Variants in ADCY2 observed in about 807,000 individuals in gnomAD.
ADCY2 encodes adenylate cyclase type 2.
In ADCY2, 31 loss-of-function variants were observed where a neutral mutation model predicts 125.2. That is an observed-to-expected ratio of 0.25 (90% CI 0.19 to 0.33). The LOEUF is 0.33. Among genes scored for constraint, ADCY2 ranks in the 10% least tolerant of loss-of-function variants. ADCY2 has a pLI of 1.00. For missense variants in ADCY2, 904 were observed against 1,418.2 expected, an observed-to-expected ratio of 0.64 and a Z score of 5.82; for synonymous variants, 512 against 548.4, an observed-to-expected ratio of 0.93 and a Z score of 0.93.
intron 3 of ADCY2, among the ~76,000 whole-genome samples, chr5:7,601,343 T>A (rs190479774): frequency 1.3e-5 from 2 of 152,326 alleles, no homozygotes; most frequent in Admixed American, 6.5e-5. Flanking sequence ...TGGAGGAAAT[T>A]CAGGAACAGC....
intron 17 of ADCY2, among the ~76,000 whole-genome samples, chr5:7,771,173 G>T (rs1743545530): frequency 6.6e-6 from 1 of 152,104 alleles, no homozygotes; most frequent in South Asian, 2.1e-4. Context: ...ATAGAAATAA[G>T]GTCTCCTTTC....
At chr5:7,521,465 C>T (rs575262911) in intron 3 of ADCY2, among the ~76,000 whole-genome samples, 14 of 152,178 alleles carry the variant, frequency 9.2e-5, no homozygotes, top group South Asian at 2.1e-4. Flanking sequence ...GCATTTTAAA[C>T]GCTGTTTGAT....
intron 3 of ADCY2, among the ~76,000 whole-genome samples, chr5:7,530,088 C>T (rs1349592989): frequency 6.6e-6 from 1 of 152,148 alleles, no homozygotes; most frequent in African/African-American, 2.4e-5. Context: ...CTCAGTTTTC[C>T]AATCTGTAAA....
At chr5:7,437,375 A>T (rs1740845275) in intron 2 of ADCY2, among the ~76,000 whole-genome samples, 1 of 152,192 alleles carries the variant, frequency 6.6e-6, no homozygotes, top group Admixed American at 6.5e-5. Context: ...GGAGCCACAG[A>T]CCACACGTGT....
intron 16 of ADCY2, 43 bp downstream of exon 16, chr5:7,757,629 G>T: frequency 6.3e-7 from 1 of 1,597,738 alleles, no homozygotes; most frequent in Non-Finnish European, 8.5e-7. Flanking sequence ...GTAAGCCCCA[G>T]AGCATGGCCG....
At chr5:7,757,209 A>G (rs1409600406) in intron 15 of ADCY2, among the ~76,000 whole-genome samples, 1 of 152,220 alleles carries the variant, frequency 6.6e-6, no homozygotes, top group Non-Finnish European at 1.5e-5. Flanking sequence ...TTTAAAAGAC[A>G]TACAAGCACA....
At chr5:7,723,242 C>T (rs1381867776) in intron 12 of ADCY2, among the ~76,000 whole-genome samples, 1 of 152,052 alleles carries the variant, frequency 6.6e-6, no homozygotes, top group African/African-American at 2.4e-5. Context: ...CAACAAACCC[C>T]CATGACACAA....
intron 1 of ADCY2, among the ~76,000 whole-genome samples, chr5:7,412,634 AG>A (rs1739768787): frequency 6.6e-6 from 1 of 152,232 alleles, no homozygotes; most frequent in Non-Finnish European, 1.5e-5. Flanking sequence ...GGAGAGAAAA[AG>A]AACATCTCAT....
chr5:7,602,026 G>A (rs1365272663), intron 3 of ADCY2, among the ~76,000 whole-genome samples: 3 of 152,152 alleles, frequency 2.0e-5, no homozygotes, highest in Admixed American at 2.0e-4. Context: ...ACTTGTGGCT[G>A]CATCACTGCA....
rs561505729 is a variant in ADCY2 at position 7,414,707 on chromosome 5, A to G, written c.345A>G (p.Ile115Met). ...LLRLFSLVIW[I>M]CLVAMGYLFM... ...GCCTCTTCTCGTTGGTGATATGGAT[A>G]TGCCTTGTTGCCATGGGATACCTGT... is the stretch of plus-strand genomic sequence containing the variant. Residue 115 changes from isoleucine (I) to methionine (M), a missense_variant, in exon 2 of 25, where the codon ATA (isoleucine) becomes ATG (methionine). Coordinates refer to ENST00000338316, the MANE Select transcript of ADCY2 (RefSeq NM_020546.3). 1.6e-5 allele frequency: 26 copies of G among 1,613,988 alleles called. No individual in the cohort carries two copies. The South Asian group carries it at 2.4e-4, about 15-fold the overall frequency.
rs140730465 is a variant in ADCY2, at chr5:7,804,565, C to T, written c.2776-20C>T. 31 of 1,587,446 alleles carry T rather than the reference C, an allele frequency of 2.0e-5. No homozygotes were observed. The highest frequency in any genetic ancestry group is 8.0e-5 in the African/African-American group (6 of 74,590). On this transcript the variant is annotated intron_variant, in intron 21 of 24. Coordinates refer to ENST00000338316, the MANE Select transcript of ADCY2 (RefSeq NM_020546.3). ...GTCAGCATCCAGCTGAGTAACTGGA[C>T]GGTTGTCATTGCTTCACAGCTTCTT...
At chr5:7,751,285 G>T (rs1742806223) in intron 15 of ADCY2, among the ~76,000 whole-genome samples, 1 of 151,894 alleles carries the variant, frequency 6.6e-6, no homozygotes, top group Non-Finnish European at 1.5e-5. Context: ...GCTATTTCAG[G>T]TTGTTGTCGT....
rs1197165990 is a variant in ADCY2, at chr5:7,789,730, G to A, written c.2558G>A (p.Arg853His). 9 of 1,613,682 alleles carry A rather than the reference G, an allele frequency of 5.6e-6. No individual in the cohort carries two copies. The highest frequency in any genetic ancestry group is 1.7e-5 in the Admixed American group (1 of 59,978). ...ATAGAGACCATGGAGAACCTGAACC[G>A]CGTGCTGCTGGAGAACGTGCTTCCC... ...EEIETMENLN[R>H]VLLENVLPAH... Residue 853 changes from arginine (R) to histidine (H), a missense_variant, in exon 20 of 25, where the codon CGC (arginine) becomes CAC (histidine). Physicochemically the swap from Arg to His is conservative, Grantham distance 29. Transcript: ENST00000338316.
At chr5:7,417,682 CCTAT>C (rs1403328265) in intron 2 of ADCY2, among the ~76,000 whole-genome samples, 1 of 152,318 alleles carries the variant, frequency 6.6e-6, no homozygotes, top group East Asian at 1.9e-4. Context: ...TTTCCTGACC[CCTAT>C]CTGTCACTTC....
chr5:7,422,756 CAT>C (rs1009844093), intron 2 of ADCY2, among the ~76,000 whole-genome samples: 1 of 152,192 alleles, frequency 6.6e-6, no homozygotes, highest in African/African-American at 2.4e-5. Context: ...TCAGCATGTG[CAT>C]ATGTGTCCTT....
At chr5:7,602,707 G>C (rs1365776304) in intron 3 of ADCY2, among the ~76,000 whole-genome samples, 1 of 152,058 alleles carries the variant, frequency 6.6e-6, no homozygotes, top group Non-Finnish European at 1.5e-5. Context: ...CACATACATA[G>C]CTTTTGTAGG....
At chr5:7,688,774 G>A (rs553848439) in intron 4 of ADCY2, among the ~76,000 whole-genome samples, 1 of 152,312 alleles carries the variant, frequency 6.6e-6, no homozygotes, top group Non-Finnish European at 1.5e-5. Context: ...AGGACCTGCA[G>A]AAATGGAATT....
intron 2 of ADCY2, among the ~76,000 whole-genome samples, chr5:7,487,878 G>A (rs913037352): frequency 2.0e-5 from 3 of 152,116 alleles, no homozygotes; most frequent in African/African-American, 7.2e-5. Flanking sequence ...TATGTGACAA[G>A]TTCAGACTGT....
At chr5:7,651,928 A>G (rs1739104433) in intron 4 of ADCY2, among the ~76,000 whole-genome samples, 1 of 152,006 alleles carries the variant, frequency 6.6e-6, no homozygotes, top group Admixed American at 6.6e-5. Context: ...TCAACCTCCC[A>G]AGTAGCTAGG....
Sources: gnomAD v4.1 joint callset for allele counts (sites outside exome capture counted in the v4.1 genomes callset) on GRCh38, gnomAD v4.1.1 for gene constraint, MANE v1.5 for transcripts, NCBI Gene and HGNC (gene_info 2026-07-23, HGNC 2026-07-21) for gene names.